The following SMPD3 variants were observed in gnomAD, a reference collection of about 807,000 sequenced individuals.
SMPD3 encodes nSMase-2.
Under a neutral mutation model 55.7 loss-of-function variants are expected in SMPD3, and 21 were observed. The observed-to-expected ratio is 0.38, with a 90% CI of 0.27 to 0.54. The LOEUF (loss-of-function observed/expected upper bound fraction) is 0.54. SMPD3 is among the 20% of genes least tolerant of loss of function. SMPD3 has a pLI of 0.80. For synonymous variants in SMPD3, 457 were observed against 404.3 expected (o/e 1.13, Z -1.56); for missense variants, 842 against 899.6 (o/e 0.94, Z 0.82).
chr16:68,384,715 G>A (rs2090019521), intron 2 of SMPD3, among the ~76,000 whole-genome samples: 1 of 152,134 alleles, frequency 6.6e-6, no homozygotes, highest in Non-Finnish European at 1.5e-5. Context: ...CTAACTCTGA[G>A]GCCAGATGAA....
At position 68,359,769 on chromosome 16, in the gene SMPD3, T is replaced by C. The variant is rs913168448; in HGVS notation, c.*1437A>G. On this transcript the variant is annotated 3_prime_UTR_variant, in exon 9 of 9. Coordinates refer to ENST00000219334, the MANE Select transcript of SMPD3 (RefSeq NM_018667.4). ...GTCCCTCAAGTTGAGTCTCGAACTT[T>C]GAAACAGACAAAACCTTCGCTGCAT... The C allele has an allele frequency of 2.6e-5, 4 of 152,512 alleles. No individual in the cohort carries two copies. The highest frequency in any genetic ancestry group is 5.9e-5 in the Non-Finnish European group (4 of 68,140). The allele number at this position is 152,512 out of a possible 1,614,324, so 9.4% of individuals were successfully genotyped here. A position where few individuals can be genotyped will look rare whatever the true frequency, so the allele number is the denominator to read the frequency against.
rs540555978 is a variant in SMPD3 at position 68,446,436 on chromosome 16, C to T, written c.-269+1917G>A. On this transcript the variant is annotated intron_variant, in intron 1 of 8. Coordinates refer to ENST00000219334, the MANE Select transcript of SMPD3 (RefSeq NM_018667.4). ...TTAAAGATGTGACTACCCTGCTCCC[C>T]ACCCCCACAACATCCAAGCCCATCA... Among the ~76,000 whole-genome samples the T allele has an allele frequency of 2.4e-4, 36 of 151,954 alleles. 1 individual carries two copies. In the South Asian group the frequency reaches 4.4e-3, roughly 18 times the overall value.
At chr16:68,366,815 C>T (rs2089492125) in intron 3 of SMPD3, among the ~76,000 whole-genome samples, 1 of 152,150 alleles carries the variant, frequency 6.6e-6, no homozygotes, top group Non-Finnish European at 1.5e-5. Context: ...TGAGACCAGC[C>T]TGACCAACAT....
chr16:68,361,869 G>GGC, intron 7 of SMPD3, 110 bp from the exon 8 acceptor site: 14 of 769,472 alleles, frequency 1.8e-5, no homozygotes, highest in East Asian at 4.4e-5. Context: ...GGGTGGGTGG[G>GGC]ACCAAAGCGC....
At chr16:68,407,934 C>T (rs1361499841) in intron 1 of SMPD3, among the ~76,000 whole-genome samples, 1 of 151,964 alleles carries the variant, frequency 6.6e-6, no homozygotes, top group Non-Finnish European at 1.5e-5. Context: ...CATTTATTTC[C>T]CTTTTACCAA....
chr16:68,365,332 T>C (rs1309465770), intron 3 of SMPD3, among the ~76,000 whole-genome samples: 1 of 152,156 alleles, frequency 6.6e-6, no homozygotes, highest in Non-Finnish European at 1.5e-5. Context: ...GGCGGCCATC[T>C]GTGCAAAGCA....
chr16:68,380,883 C>A (rs540496392), intron 2 of SMPD3, among the ~76,000 whole-genome samples: 5 of 152,222 alleles, frequency 3.3e-5, no homozygotes, highest in African/African-American at 1.2e-4. Flanking sequence ...CCTTCTGGAA[C>A]GGATTGGCCG....
intron 1 of SMPD3, among the ~76,000 whole-genome samples, chr16:68,400,333 C>T (rs2090195207): frequency 6.6e-6 from 1 of 152,294 alleles, no homozygotes; most frequent in Admixed American, 6.5e-5. Flanking sequence ...GCCAGCATGA[C>T]CCATTTGGGC....
rs950234811 is a variant in SMPD3 at position 68,379,515 on chromosome 16, G to A, written c.-207+7083C>T. Among the ~76,000 whole-genome samples, 8 of 152,156 alleles carry A rather than the reference G, an allele frequency of 5.3e-5. No individual in the cohort carries two copies. The East Asian group carries it at 1.3e-3, about 26-fold the overall frequency. ...GCTGCAAAGTCCTGAAGATACAGCCGGAGCCTTCAAAGTCTCCTCCTCTTG... is the reference window on the plus strand; with the variant it reads ...GCTGCAAAGTCCTGAAGATACAGCCAGAGCCTTCAAAGTCTCCTCCTCTTG... On this transcript the variant is annotated intron_variant, in intron 2 of 8. Transcript: ENST00000219334.
chr16:68,413,063 C>T (rs1265894243), intron 1 of SMPD3, among the ~76,000 whole-genome samples: 1 of 152,198 alleles, frequency 6.6e-6, no homozygotes, highest in African/African-American at 2.4e-5. Context: ...TTTCTTTTCA[C>T]CCTTGGCGTG....
chr16:68,363,988 G>A (rs984134889), intron 5 of SMPD3, 122 bp from the exon 6 acceptor site: 19 of 877,854 alleles, frequency 2.2e-5, no homozygotes, highest in Non-Finnish European at 3.3e-5. Flanking sequence ...TTAGGCCACT[G>A]CCCCTGGGTG....
chr16:68,400,524 G>C (rs2090196643), intron 1 of SMPD3, among the ~76,000 whole-genome samples: 1 of 152,240 alleles, frequency 6.6e-6, no homozygotes, highest in South Asian at 2.1e-4. Flanking sequence ...TTAGACTACA[G>C]TAGTGGTTGG....
At chr16:68,365,454 CTTT>C (rs1322251868) in intron 3 of SMPD3, among the ~76,000 whole-genome samples, 2 of 152,264 alleles carry the variant, frequency 1.3e-5, no homozygotes, top group East Asian at 3.9e-4. Flanking sequence ...GTCTGTGGCT[CTTT>C]CCTCCCTCCC....
intron 1 of SMPD3, among the ~76,000 whole-genome samples, chr16:68,440,196 C>G (rs2090555375): frequency 6.6e-6 from 1 of 152,174 alleles, no homozygotes; most frequent in Admixed American, 6.5e-5. Context: ...AATTCTCTTT[C>G]TTTTTTTCAT....
intron 2 of SMPD3, among the ~76,000 whole-genome samples, chr16:68,380,437 G>A (rs1274050901): frequency 6.6e-6 from 1 of 152,260 alleles, no homozygotes; most frequent in Non-Finnish European, 1.5e-5. Context: ...GCCAGGCAAG[G>A]CCTCCAACCT....
chr16:68,387,377 C>T (rs1418868665), intron 1 of SMPD3, among the ~76,000 whole-genome samples: 1 of 152,110 alleles, frequency 6.6e-6, no homozygotes, highest in Non-Finnish European at 1.5e-5. Context: ...ACTGGCTCCC[C>T]TTGCTGACTG....
At chr16:68,389,934 A>T (rs762414938) in intron 1 of SMPD3, among the ~76,000 whole-genome samples, 19 of 152,378 alleles carry the variant, frequency 1.2e-4, no homozygotes, top group Non-Finnish European at 2.5e-4. Context: ...AAGCAAGTTC[A>T]TTAGAGAAGA....
At chr16:68,414,987 C>T (rs2090328707) in intron 1 of SMPD3, among the ~76,000 whole-genome samples, 1 of 152,084 alleles carries the variant, frequency 6.6e-6, no homozygotes, top group Admixed American at 6.6e-5. Context: ...GCTGAGGCCT[C>T]ATCTGAGACG....
chr16:68,403,371 G>A (rs1313091273), intron 1 of SMPD3, among the ~76,000 whole-genome samples: 2 of 152,176 alleles, frequency 1.3e-5, no homozygotes, highest in East Asian at 1.9e-4. Context: ...CAGAGTAGAT[G>A]CCAATACAAA....
Sources: allele counts gnomAD v4.1 joint callset (sites outside exome capture counted in the v4.1 genomes callset), GRCh38; gene constraint gnomAD v4.1.1; transcripts MANE v1.5; gene names NCBI Gene and HGNC (gene_info 2026-07-23, HGNC 2026-07-21).